GJC2: variants seen among roughly 807,000 people sequenced by gnomAD.
GJC2 encodes gap junction protein gamma 2, also known as gap junction gamma-2 protein.
For missense variants in GJC2, 647 were observed against 648.9 expected (o/e 1.00, Z 0.03); for synonymous variants, 336 against 307.5 (o/e 1.09, Z -0.97).
rs1198384277 is a variant in GJC2 at position 228,157,931 on chromosome 1, C to T, written c.173C>T (p.Thr58Met). The change falls in exon 2 of 2, where the codon ACG (threonine) becomes ATG (methionine). Residue 58 changes from threonine to methionine, a missense_variant. Coordinates refer to ENST00000366714, the MANE Select transcript of GJC2 (RefSeq NM_020435.4). Reference sequence around the variant, plus strand: ...GAGCAGGCCAAGTTCACTTGCAACACGCGGCAGCCAGGCTGCGACAACGTC... The same window carrying T: ...GAGCAGGCCAAGTTCACTTGCAACATGCGGCAGCCAGGCTGCGACAACGTC... ...SDEQAKFTCN[T>M]RQPGCDNVCY... 2 of 1,612,706 alleles carry T rather than the reference C, an allele frequency of 1.2e-6. No homozygotes were observed. The highest frequency in any genetic ancestry group is 1.3e-5 in the African/African-American group (1 of 74,928).
rs940129504 is a variant in GJC2, at chr1:228,150,873, A to G, written c.-20+866A>G. Among the ~76,000 whole-genome samples, 3 of 151,952 alleles carry G rather than the reference A, an allele frequency of 2.0e-5. No homozygotes were observed. The highest frequency in any genetic ancestry group is 4.4e-5 in the Non-Finnish European group (3 of 67,914). ...ACAGCCTTAGGAGGCTGGGGTAATC[A>G]TCACCCCCTCACTCCCAGTATGGAT... On this transcript the variant is annotated intron_variant, in intron 1 of 1. Coordinates refer to ENST00000366714, the MANE Select transcript of GJC2 (RefSeq NM_020435.4). This position sits in a 1 kb window ranked among gnomAD's most constrained non-coding sequence, Gnocchi z 4.6.
intron 1 of GJC2, among the ~76,000 whole-genome samples, chr1:228,154,564 C>T (rs2034658205): frequency 6.6e-6 from 1 of 152,166 alleles, no homozygotes; most frequent in Non-Finnish European, 1.5e-5. Context: ...GTGCAGCCCA[C>T]AGGTAGGGAT....
At position 228,159,204 on chromosome 1, in the gene GJC2, A is replaced by C; in HGVS notation, c.*126A>C. The C allele has an allele frequency of 7.9e-6, 9 of 1,141,940 alleles. No homozygotes were observed. Among genetic ancestry groups the C allele is most frequent in the Non-Finnish European group, 1.0e-5 (8 of 797,574 alleles). 70.7% of individuals were successfully genotyped at this position (1,141,940 alleles called of 1,614,324 possible). A position where few individuals can be genotyped will look rare whatever the true frequency, so the allele number is the denominator to read the frequency against. On this transcript the variant is annotated 3_prime_UTR_variant, in exon 2 of 2. Coordinates refer to ENST00000366714, the MANE Select transcript of GJC2 (RefSeq NM_020435.4). The surrounding 1 kb of genome is among the most constrained non-coding windows in gnomAD (Gnocchi z 4.0). ...TCAGGCAGACTCTGCCCAGAGGGGC[A>C]GCCAGGCTGCTCAGGGAAGGGGCTG...
rs74315314 is a variant in GJC2, at chr1:228,158,572, T to G, written c.814T>G (p.Tyr272Asp). 2 of 1,612,440 alleles carry G rather than the reference T, an allele frequency of 1.2e-6. No individual in the cohort carries two copies. Among genetic ancestry groups the G allele is most frequent in the Non-Finnish European group, 1.7e-6 (2 of 1,179,474 alleles). Reference sequence around the variant, plus strand: ...AAAGACGGTCTTCCTGCTGGTTATGTACGTGGTCAGCTGCCTGTGCCTGCT... The same window carrying G: ...AAAGACGGTCTTCCTGCTGGTTATGGACGTGGTCAGCTGCCTGTGCCTGCT... ...TEKTVFLLVM[Y>D]VVSCLCLLLN... Residue 272 changes from tyrosine (Y) to aspartate (D), a missense_variant, in exon 2 of 2, where the codon TAC becomes GAC. Tyr to Asp is a radical substitution (Grantham distance 160). Transcript: ENST00000366714. This position sits in a 1 kb window ranked among gnomAD's most constrained non-coding sequence, Gnocchi z 8.3.
chr1:228,157,064 G>A (rs2034690788), intron 1 of GJC2, among the ~76,000 whole-genome samples: 1 of 152,184 alleles, frequency 6.6e-6, no homozygotes, highest in Admixed American at 6.5e-5. Context: ...GGGCACCTGA[G>A]AAGGGCAGCG....
At chr1:228,153,604 G>A (rs2034646488) in intron 1 of GJC2, among the ~76,000 whole-genome samples, 1 of 115,474 alleles carries the variant, frequency 8.7e-6, no homozygotes, top group Non-Finnish European at 1.7e-5. Context: ...TTTTTTTTGA[G>A]ACAGCGTCTC....
Position 228,157,741 on chromosome 1 carries a change from A to ACAACCCCCC in GJC2, c.-17_-16insAACCCCCCC. Reference sequence around the variant, plus strand: ...GCTGACCCCTACCCCGCCCCACAGGACCCGCCCGCCCGCCCCTATGACCAA... The same window carrying ACAACCCCCC: ...GCTGACCCCTACCCCGCCCCACAGGACAACCCCCCCCCGCCCGCCCGCCCCTATGACCAA... On this transcript the variant is annotated splice_region_variant and 5_prime_UTR_variant, in exon 2 of 2. Coordinates refer to ENST00000366714, the MANE Select transcript of GJC2 (RefSeq NM_020435.4). The ACAACCCCCC allele has an allele frequency of 2.8e-6, 1 of 354,470 alleles. No individual in the cohort carries two copies. The highest frequency in any genetic ancestry group is 1.9e-5 in the South Asian group (1 of 52,106). 22.0% of individuals were successfully genotyped at this position (354,470 alleles called of 1,614,324 possible).
In GJC2 at chr1:228,157,859, T is replaced by G; in HGVS notation, c.101T>G (p.Phe34Cys). Reference sequence around the variant, plus strand: ...GTGTGGCTCACGGTGCTGGTGGTCTTCCGCATCGTGCTGACGGCTGTGGGC... The same window carrying G: ...GTGTGGCTCACGGTGCTGGTGGTCTGCCGCATCGTGCTGACGGCTGTGGGC... ...GKVWLTVLVVFRIVLTAVGGE... is the reference protein window; with the variant it reads ...GKVWLTVLVVCRIVLTAVGGE... The change falls in exon 2 of 2, where the codon TTC becomes TGC. Residue 34 changes from phenylalanine to cysteine, a missense_variant. Transcript: ENST00000366714. 1 of 1,610,082 alleles carries G rather than the reference T, an allele frequency of 6.2e-7. No individual in the cohort carries two copies. The highest frequency in any genetic ancestry group is 1.3e-5 in the African/African-American group (1 of 74,948).
At chr1:228,154,640 G>T (rs772085136) in intron 1 of GJC2, among the ~76,000 whole-genome samples, 1 of 152,176 alleles carries the variant, frequency 6.6e-6, no homozygotes, top group Non-Finnish European at 1.5e-5. Context: ...CTGCACAGAG[G>T]AGCTGTCTCC....
rs956383208 is a variant in GJC2, at chr1:228,152,245, G to A, written c.-20+2238G>A. On this transcript the variant is annotated intron_variant, in intron 1 of 1. Coordinates refer to ENST00000366714, the MANE Select transcript of GJC2 (RefSeq NM_020435.4). The surrounding 1 kb of genome is among the most constrained non-coding windows in gnomAD (Gnocchi z 7.3). ...TCCCGCCTGGTGAACTGTGTGCGTG[G>A]GTGCCTGTCTGGTGGCTGCCCTAAA... is the stretch of plus-strand genomic sequence containing the variant. Among the ~76,000 whole-genome samples the A allele has an allele frequency of 5.3e-5, 8 of 152,128 alleles. No homozygotes were observed. Among genetic ancestry groups the A allele is most frequent in the Admixed American group, 3.9e-4 (6 of 15,278 alleles).
Position 228,158,912 on chromosome 1 carries a change from C to T in GJC2, c.1154C>T (p.Pro385Leu), listed in dbSNP as rs1301384094. The T allele has an allele frequency of 1.3e-6, 2 of 1,504,984 alleles. No homozygotes were observed. Among genetic ancestry groups the T allele is most frequent in the Admixed American group, 4.4e-5 (2 of 45,704 alleles). The allele number at this position is 1,504,984 out of a possible 1,614,324, so 93.2% of individuals were successfully genotyped here. The change falls in exon 2 of 2, where the codon CCC (proline) becomes CTC (leucine). Residue 385 changes from proline to leucine, a missense_variant. By Grantham distance (98) the Pro-to-Leu change is moderately conservative (BLOSUM62 -3). Coordinates refer to ENST00000366714, the MANE Select transcript of GJC2 (RefSeq NM_020435.4). This position sits in a 1 kb window ranked among gnomAD's most constrained non-coding sequence, Gnocchi z 8.3. ...VGLPAASRGP[P>L]RAGAPASRTG... Reference sequence around the variant, plus strand: ...CTCCCTGCGGCCTCCCGGGGGCCCCCCAGAGCAGGCGCCCCCGCGTCCCGG... The same window carrying T: ...CTCCCTGCGGCCTCCCGGGGGCCCCTCAGAGCAGGCGCCCCCGCGTCCCGG...
Position 228,152,293 on chromosome 1 carries a change from G to T in GJC2, c.-20+2286G>T, listed in dbSNP as rs770188164. ...AAACTGCAGAAAACACCCACCCTTC[G>T]CGGCCTGCCCTGGGAGGGCCTGGAG... On this transcript the variant is annotated intron_variant, in intron 1 of 1. Transcript: ENST00000366714. The surrounding 1 kb of genome is among the most constrained non-coding windows in gnomAD (Gnocchi z 7.3). Among the ~76,000 whole-genome samples, 4 of 152,128 alleles carry T rather than the reference G, an allele frequency of 2.6e-5. No homozygotes were observed. The highest frequency in any genetic ancestry group is 4.4e-5 in the Non-Finnish European group (3 of 68,012).
At chr1:228,156,915 C>T (rs899817448) in intron 1 of GJC2, among the ~76,000 whole-genome samples, 15 of 152,256 alleles carry the variant, frequency 9.9e-5, no homozygotes, top group African/African-American at 3.6e-4. Context: ...GGCCTCACAT[C>T]ACTGGGTCTA....
At position 228,158,531 on chromosome 1, in the gene GJC2, T is replaced by G; in HGVS notation, c.773T>G (p.Val258Gly). Residue 258 changes from valine (V) to glycine (G), a missense_variant, in exon 2 of 2, where the codon GTG becomes GGG. Transcript: ENST00000366714. The surrounding 1 kb of genome is among the most constrained non-coding windows in gnomAD (Gnocchi z 8.3). ...TGCCCGCACGTGGTGGACTGCTTCG[T>G]GTCGCGCCCTACTGAAAAGACGGTC... The part of the protein sequence containing the change: ...QPCPHVVDCF[V>G]SRPTEKTVFL... The G allele has an allele frequency of 6.2e-7, 1 of 1,613,010 alleles. No individual in the cohort carries two copies. Among genetic ancestry groups the G allele is most frequent in the Non-Finnish European group, 8.5e-7 (1 of 1,179,670 alleles).
In GJC2 at chr1:228,157,883, G is replaced by A. The variant is rs2034706238; in HGVS notation, c.125G>A (p.Gly42Asp). The A allele has an allele frequency of 6.2e-7, 1 of 1,612,374 alleles. No homozygotes were observed. The change falls in exon 2 of 2, where the codon GGC becomes GAC. Residue 42 changes from glycine to aspartate, a missense_variant. Gly to Asp is a moderately conservative substitution (Grantham distance 94, BLOSUM62 -1). Transcript: ENST00000366714. ...TTCCGCATCGTGCTGACGGCTGTGGGCGGCGAGGCCATCTACTCGGACGAG... is the reference window on the plus strand; with the variant it reads ...TTCCGCATCGTGCTGACGGCTGTGGACGGCGAGGCCATCTACTCGGACGAG... ...VVFRIVLTAV[G>D]GEAIYSDEQA...
chr1:228,153,527 C>T (rs947045786), intron 1 of GJC2, among the ~76,000 whole-genome samples: 1 of 151,326 alleles, frequency 6.6e-6, no homozygotes, highest in African/African-American at 2.4e-5. Context: ...GCTAGAAGTA[C>T]AAGCGCACCA....
At chr1:228,154,794 CTGCT>C (rs2034660555) in intron 1 of GJC2, among the ~76,000 whole-genome samples, 1 of 152,250 alleles carries the variant, frequency 6.6e-6, no homozygotes, top group Admixed American at 6.5e-5. Flanking sequence ...CGTGCAGGTG[CTGCT>C]TGCACAGACT....
chr1:228,153,074 C>T (rs1287607866), intron 1 of GJC2, among the ~76,000 whole-genome samples: 2 of 152,018 alleles, frequency 1.3e-5, no homozygotes, highest in African/African-American at 2.4e-5. Context: ...GGCCTGGCTC[C>T]CTGGGGGCCA....
In GJC2 at chr1:228,158,758, A is replaced by C. The variant is rs1267152789; in HGVS notation, c.1000A>C (p.Ser334Arg). 1.4e-6 allele frequency: 2 copies of C among 1,391,198 alleles called. No individual in the cohort carries two copies. The highest frequency in any genetic ancestry group is 1.9e-6 in the Non-Finnish European group (2 of 1,071,918). 86.2% of individuals were successfully genotyped at this position (1,391,198 alleles called of 1,614,324 possible). ...TGGCTTGGCCTGCCCGCCCGACTACAGCCTGGTGGTGCGGGCGGCCGAGCG... is the reference window on the plus strand; with the variant it reads ...TGGCTTGGCCTGCCCGCCCGACTACCGCCTGGTGGTGCGGGCGGCCGAGCG... ...AAGLACPPDY[S>R]LVVRAAERAR... Residue 334 changes from serine (S) to arginine (R), a missense_variant, in exon 2 of 2, where the codon AGC becomes CGC. By Grantham distance (110) the Ser-to-Arg change is moderately radical (BLOSUM62 -1). Coordinates refer to ENST00000366714, the MANE Select transcript of GJC2 (RefSeq NM_020435.4). This position sits in a 1 kb window ranked among gnomAD's most constrained non-coding sequence, Gnocchi z 8.3.
Sources: gnomAD v4.1 joint callset for allele counts (sites outside exome capture counted in the v4.1 genomes callset) on GRCh38, gnomAD v4.1.1 for gene constraint, Gnocchi (gnomAD v3.1) non-coding constraint, MANE v1.5 for transcripts, NCBI Gene and HGNC (gene_info 2026-07-23, HGNC 2026-07-21) for gene names.